The following RAP2A variants were observed in gnomAD, a reference collection of about 807,000 sequenced individuals.
RAP2A encodes the protein ras-related protein Rap-2a.
In RAP2A, 5 loss-of-function variants were observed where a neutral mutation model predicts 15.1. The observed-to-expected ratio is 0.33, with a 90% CI of 0.17 to 0.70. The LOEUF (loss-of-function observed/expected upper bound fraction) is 0.70. Among genes scored for constraint, RAP2A ranks in the 30% least tolerant of loss-of-function variants. The pLI is 0.68. For missense variants in RAP2A, 111 were observed against 240.3 expected (o/e 0.46, Z 3.56); for synonymous variants, 110 against 99.7 (o/e 1.10, Z -0.62).
intron 1 of RAP2A, among the ~76,000 whole-genome samples, chr13:97,446,109 T>C (rs1288977227): frequency 6.6e-6 from 1 of 152,178 alleles, no homozygotes; most frequent in Non-Finnish European, 1.5e-5. Flanking sequence ...TCTATTCCCT[T>C]TTCTCCAAAG....
At chr13:97,453,452 A>T (rs1028695084) in intron 1 of RAP2A, among the ~76,000 whole-genome samples, 4 of 151,328 alleles carry the variant, frequency 2.6e-5, no homozygotes, top group Non-Finnish European at 5.9e-5. Context: ...CATTTCAAGA[A>T]AGTTATGTAA....
intron 1 of RAP2A, among the ~76,000 whole-genome samples, chr13:97,446,702 G>A (rs1052405450): frequency 6.6e-6 from 1 of 152,180 alleles, no homozygotes; most frequent in Admixed American, 6.5e-5. Flanking sequence ...GAAAATTCAC[G>A]GAGAGGCCCG....
intron 1 of RAP2A, among the ~76,000 whole-genome samples, chr13:97,461,971 A>AAAATATATATATATATATATATAT (rs1555326904): frequency 7.0e-6 from 1 of 142,064 alleles, no homozygotes; most frequent in African/African-American, 2.6e-5. Context: ...TCAAAAAAAA[A>AAAATATATATATATATATATATAT]ATATATATAT....
intron 1 of RAP2A, chr13:97,437,155 T>C (rs1020774139): frequency 7.2e-5 from 11 of 152,372 alleles, no homozygotes; most frequent in African/African-American, 2.6e-4. Context: ...TTTTAATGTA[T>C]TTTATTTAAC....
intron 1 of RAP2A, among the ~76,000 whole-genome samples, chr13:97,443,861 C>A (rs1425126814): frequency 6.6e-6 from 1 of 152,150 alleles, no homozygotes; most frequent in African/African-American, 2.4e-5. Flanking sequence ...TAATTAGGAG[C>A]AAGTTGACAT....
At chr13:97,461,984 ATATATTTATATATTTATATTTATATATT>A (rs1162468807) in intron 1 of RAP2A, among the ~76,000 whole-genome samples, 1 of 144,216 alleles carries the variant, frequency 6.9e-6, no homozygotes, top group South Asian at 2.1e-4. Flanking sequence ...ATATATATAT[ATATATTTATATATTTATATTTATATATT>A]TATATAGATA....
At chr13:97,454,207 A>G (rs956936729) in intron 1 of RAP2A, among the ~76,000 whole-genome samples, 1 of 151,214 alleles carries the variant, frequency 6.6e-6, no homozygotes, top group African/African-American at 2.4e-5. Flanking sequence ...TAACTTATCT[A>G]TTATATTTAA....
Position 97,464,906 on chromosome 13 carries a change from A to T in RAP2A, c.*464A>T, listed in dbSNP as rs959485819. On this transcript the variant is annotated 3_prime_UTR_variant, in exon 2 of 2. Transcript: ENST00000245304. Reference sequence around the variant, plus strand: ...TTCAGGAAATGGGATAGAGCTTCTAACCAATGTATTCCGTCAAGTAAGATA... The same window carrying T: ...TTCAGGAAATGGGATAGAGCTTCTATCCAATGTATTCCGTCAAGTAAGATA... The T allele has an allele frequency of 6.4e-6, 1 of 157,012 alleles. No homozygotes were observed. The highest frequency in any genetic ancestry group is 6.3e-5 in the Admixed American group (1 of 15,944). The allele number at this position is 157,012 out of a possible 1,614,324, so 9.7% of individuals were successfully genotyped here. A position where few individuals can be genotyped will look rare whatever the true frequency, so the allele number is the denominator to read the frequency against.
Position 97,466,623 on chromosome 13 carries a change from CATT to C in RAP2A, c.*2184_*2186del, listed in dbSNP as rs967833922. ...TATCTATAAAGATTCCACAGTTTGA[CATT>C]ATGGCTTGCTATGCAGATGTGAAAA... On this transcript the variant is annotated 3_prime_UTR_variant, in exon 2 of 2. Transcript: ENST00000245304. The C allele has an allele frequency of 7.9e-5, 12 of 152,268 alleles. No homozygotes were observed. The highest frequency in any genetic ancestry group is 2.6e-4 in the African/African-American group (11 of 41,572). The allele number at this position is 152,268 out of a possible 1,614,324, so 9.4% of individuals were successfully genotyped here. A position where few individuals can be genotyped will look rare whatever the true frequency, so the allele number is the denominator to read the frequency against.
At chr13:97,456,713 CTCCT>C (rs2066724455) in intron 1 of RAP2A, among the ~76,000 whole-genome samples, 1 of 144,562 alleles carries the variant, frequency 6.9e-6, no homozygotes, top group South Asian at 2.2e-4. Flanking sequence ...TATCATTACT[CTCCT>C]TACTTTTTAC....
rs201217142 is a variant in RAP2A at position 97,462,160 on chromosome 13, TAGAC to T, written c.315-2040_315-2037del. 8.4e-3 allele frequency among the ~76,000 whole-genome samples: 1,268 copies of T among 150,730 alleles called. 28 individuals carry two copies. The highest frequency in any genetic ancestry group is 0.029 in the African/African-American group (1,191 of 41,174). ...TGATCTTATCACTTTTTATTATTCATAGACAGACTGAAATTTGTTTTAACTTAAA... is the reference window on the plus strand; with the variant it reads ...TGATCTTATCACTTTTTATTATTCATAGACTGAAATTTGTTTTAACTTAAA... On this transcript the variant is annotated intron_variant, in intron 1 of 1. Transcript: ENST00000245304.
At chr13:97,462,526 T>TA (rs1335877634) in intron 1 of RAP2A, among the ~76,000 whole-genome samples, 3 of 152,190 alleles carry the variant, frequency 2.0e-5, no homozygotes, top group African/African-American at 7.2e-5. Context: ...TAGAAGATGT[T>TA]AAAAACCCTT....
At chr13:97,454,985 C>T (rs2066716900) in intron 1 of RAP2A, among the ~76,000 whole-genome samples, 1 of 150,834 alleles carries the variant, frequency 6.6e-6, no homozygotes, top group Admixed American at 6.6e-5. Flanking sequence ...AATTTTCAGT[C>T]CTTTTGTTTG....
intron 1 of RAP2A, among the ~76,000 whole-genome samples, chr13:97,459,827 T>G (rs1005069686): frequency 1.3e-5 from 2 of 152,270 alleles, no homozygotes; most frequent in African/African-American, 4.8e-5. Flanking sequence ...TGTTTATTGT[T>G]GATGTCTGCG....
At chr13:97,435,504 C>T (rs577562137) in intron 1 of RAP2A, among the ~76,000 whole-genome samples, 1 of 148,484 alleles carries the variant, frequency 6.7e-6, no homozygotes, top group Admixed American at 6.7e-5. Flanking sequence ...CACACCACCA[C>T]CACCAGTTCC....
At chr13:97,452,151 A>G (rs2153179831) in intron 1 of RAP2A, among the ~76,000 whole-genome samples, 1 of 151,158 alleles carries the variant, frequency 6.6e-6, no homozygotes, top group East Asian at 1.9e-4. Context: ...CAAATTTTAA[A>G]TTCTTTTTAT....
At chr13:97,459,825 G>A (rs1052327872) in intron 1 of RAP2A, among the ~76,000 whole-genome samples, 2 of 152,182 alleles carry the variant, frequency 1.3e-5, no homozygotes, top group Non-Finnish European at 2.9e-5. Context: ...TATGTTTATT[G>A]TTGATGTCTG....
Position 97,466,679 on chromosome 13 carries a change from A to C in RAP2A, c.*2237A>C, listed in dbSNP as rs2066773001. The C allele has an allele frequency of 1.3e-5, 2 of 152,256 alleles. No homozygotes were observed. The highest frequency in any genetic ancestry group is 4.8e-5 in the African/African-American group (2 of 41,474). The allele number at this position is 152,256 out of a possible 1,614,324, so 9.4% of individuals were successfully genotyped here. A position where few individuals can be genotyped will look rare whatever the true frequency, so the allele number is the denominator to read the frequency against. Reference sequence around the variant, plus strand: ...GGTTAAATAATATGAAAGATATGGCAGAATGTAAAGTGGAAAAGATGACCT... The same window carrying C: ...GGTTAAATAATATGAAAGATATGGCCGAATGTAAAGTGGAAAAGATGACCT... On this transcript the variant is annotated 3_prime_UTR_variant, in exon 2 of 2. Transcript: ENST00000245304.
At chr13:97,435,482 A>C (rs1004362996) in intron 1 of RAP2A, among the ~76,000 whole-genome samples, 3 of 149,544 alleles carry the variant, frequency 2.0e-5, no homozygotes, top group Non-Finnish European at 4.5e-5. Context: ...AAAAAAAAAA[A>C]AAAAACACCA....
Sources: allele counts gnomAD v4.1 joint callset (sites outside exome capture counted in the v4.1 genomes callset), GRCh38; gene constraint gnomAD v4.1.1; transcripts MANE v1.5; gene names NCBI Gene and HGNC (gene_info 2026-07-23, HGNC 2026-07-21).